The following NAV1 variants were observed in gnomAD, a reference collection of about 807,000 sequenced individuals.
NAV1 encodes the protein pore membrane and/or filament interacting like protein 3.
NAV1 carries 18 observed loss-of-function variants against 175.2 expected under a neutral mutation model. The observed-to-expected ratio is 0.10, with a 90% CI of 0.07 to 0.15. NAV1 has a LOEUF of 0.15. Among genes scored for constraint, NAV1 ranks in the 10% least tolerant of loss-of-function variants. NAV1 has a pLI of 1.00. For synonymous variants in NAV1, 897 were observed against 978.7 expected (o/e 0.92, Z 1.56); for missense variants, 1,731 against 2,436.6 (o/e 0.71, Z 6.10).
In NAV1 at chr1:201,803,729, G is replaced by T. The variant is rs201074198; in HGVS notation, c.3639+15G>T. 14 of 1,463,938 alleles carry T rather than the reference G, an allele frequency of 9.6e-6. No homozygotes were observed. In the African/African-American group the frequency reaches 2.1e-4, roughly 22 times the overall value. 90.7% of individuals were successfully genotyped at this position (1,463,938 alleles called of 1,614,324 possible). On this transcript the variant is annotated intron_variant, in intron 16 of 29. Transcript: ENST00000367296. ...AAAAGAGTTGGGTAGGTAAAGGTTT[G>T]GGGGGTGGGAAGTAGGTAGAACCGT...
intron 1 of NAV1, among the ~76,000 whole-genome samples, chr1:201,700,782 C>T (rs1398558683): frequency 3.3e-5 from 5 of 151,924 alleles, no homozygotes; most frequent in Admixed American, 1.3e-4. Context: ...GAGGCCGAGG[C>T]GGGTGGATCA....
intron 2 of NAV1, among the ~76,000 whole-genome samples, chr1:201,633,867 G>A (rs1005018336): frequency 6.6e-6 from 1 of 152,230 alleles, no homozygotes; most frequent in Admixed American, 6.5e-5. Flanking sequence ...GGCAGAGGTG[G>A]CTTGGGAGTG....
intron 1 of NAV1, among the ~76,000 whole-genome samples, chr1:201,704,052 G>C (rs1432399201): frequency 1.3e-5 from 2 of 152,238 alleles, no homozygotes; most frequent in African/African-American, 4.8e-5. Context: ...AGTGGGGCTT[G>C]TGGGTCCCCA....
At chr1:201,776,573 G>A (rs568006338) in intron 3 of NAV1, among the ~76,000 whole-genome samples, 25 of 151,048 alleles carry the variant, frequency 1.7e-4, no homozygotes, top group African/African-American at 5.8e-4. Flanking sequence ...CCCAGGGGAC[G>A]GAGGTTGCAG....
intron 1 of NAV1, among the ~76,000 whole-genome samples, chr1:201,541,271 G>T (rs1434897284): frequency 1.3e-5 from 2 of 152,102 alleles, no homozygotes; most frequent in Admixed American, 6.5e-5. Flanking sequence ...TAATAGAATT[G>T]GGGAGAAAAA....
At chr1:201,628,606 G>A (rs1236628253) in intron 1 of NAV1, among the ~76,000 whole-genome samples, 1 of 152,096 alleles carries the variant, frequency 6.6e-6, no homozygotes, top group African/African-American at 2.4e-5. Context: ...TGCCTGCACA[G>A]CCCTCCCCTC....
At chr1:201,645,205 G>A (rs1261576165), upstream of NAV1, among the ~76,000 whole-genome samples, 3 of 151,994 alleles carry the variant, frequency 2.0e-5, no homozygotes, top group Non-Finnish European at 1.5e-5. Context: ...TATACACCAT[G>A]GAATACTATG....
At chr1:201,734,449 A>AGAGGAG (rs144699398) in intron 3 of NAV1, among the ~76,000 whole-genome samples, 1 of 138,922 alleles carries the variant, frequency 7.2e-6, no homozygotes, top group Admixed American at 7.7e-5. Flanking sequence ...AAGAAGAAGA[A>AGAGGAG]GAGGAGGAGG....
At chr1:201,747,937 C>T (rs1653671759) in intron 3 of NAV1, among the ~76,000 whole-genome samples, 1 of 152,196 alleles carries the variant, frequency 6.6e-6, no homozygotes, top group Non-Finnish European at 1.5e-5. Context: ...CCCAGAGCTC[C>T]TTACGTCAAC....
intron 2 of NAV1, among the ~76,000 whole-genome samples, chr1:201,601,732 C>A (rs1328070479): frequency 6.6e-6 from 1 of 152,158 alleles, no homozygotes; most frequent in Admixed American, 6.5e-5. Context: ...CCCTGTGGAA[C>A]TTTGTGAGAA....
intron 3 of NAV1, among the ~76,000 whole-genome samples, chr1:201,731,623 C>G (rs1420522483): frequency 6.6e-6 from 1 of 152,208 alleles, no homozygotes; most frequent in African/African-American, 2.4e-5. Flanking sequence ...ACTGCTCACC[C>G]TCTTCCAGCC....
chr1:201,786,331 TCTC>T (rs1676745352), intron 8 of NAV1, 95 bp from the exon 13 acceptor site: 6 of 1,244,816 alleles, frequency 4.8e-6, no homozygotes, highest in Non-Finnish European at 5.6e-6. Flanking sequence ...GCTTTCAGAA[TCTC>T]CTGGCTCCAG....
intron 3 of NAV1, among the ~76,000 whole-genome samples, chr1:201,762,067 C>T (rs191539861): frequency 2.0e-4 from 31 of 152,212 alleles, no homozygotes; most frequent in South Asian, 2.1e-4. Flanking sequence ...AGCTGAGGTG[C>T]GAGGATCCCT....
At chr1:201,728,866 G>T (rs373660602) in intron 3 of NAV1, among the ~76,000 whole-genome samples, 8 of 152,238 alleles carry the variant, frequency 5.3e-5, no homozygotes, top group African/African-American at 1.9e-4. Context: ...AAAGGTTGGA[G>T]TAAGCCAGGT....
At chr1:201,608,716 T>C (rs1294013532) in intron 2 of NAV1, among the ~76,000 whole-genome samples, 1 of 152,068 alleles carries the variant, frequency 6.6e-6, no homozygotes, top group African/African-American at 2.4e-5. Context: ...TTTTCTGAGA[T>C]TGGGGTCAGC....
At chr1:201,571,402 T>G (rs7524811) in intron 1 of NAV1, among the ~76,000 whole-genome samples, 29,090 of 152,250 alleles carry the variant, frequency 0.19, 3,107 homozygotes, top group African/African-American at 0.3. Context: ...TAATACGCCT[T>G]CAGGCCAGGG....
At chr1:201,805,338 G>A (rs1050755087) in intron 17 of NAV1, among the ~76,000 whole-genome samples, 1 of 152,188 alleles carries the variant, frequency 6.6e-6, no homozygotes, top group Non-Finnish European at 1.5e-5. Flanking sequence ...CACAGATGAC[G>A]AGACAGTGAT....
intron 3 of NAV1, among the ~76,000 whole-genome samples, chr1:201,765,381 C>CT (rs59583786): frequency 0.053 from 5,232 of 98,596 alleles, 439 homozygotes; most frequent in African/African-American, 0.13. Flanking sequence ...AGGAAATATT[C>CT]TTTTTTTTTT....
intron 1 of NAV1, among the ~76,000 whole-genome samples, chr1:201,565,549 C>CTG (rs1444623227): frequency 1.3e-5 from 2 of 152,260 alleles, no homozygotes; most frequent in African/African-American, 2.4e-5. Context: ...ACTGAGATCA[C>CTG]AAGGGAACAG....
Sources: allele counts gnomAD v4.1 joint callset (sites outside exome capture counted in the v4.1 genomes callset), GRCh38; gene constraint gnomAD v4.1.1; transcripts MANE v1.5; gene names NCBI Gene and HGNC (gene_info 2026-07-23, HGNC 2026-07-21).